Variants in PHKA1 observed in about 807,000 individuals in gnomAD.
PHKA1 encodes the protein phosphorylase b kinase regulatory subunit alpha, skeletal muscle isoform.
A neutral mutation model predicts 110.2 loss-of-function variants in PHKA1; 60 were observed. The observed-to-expected ratio is 0.54, with a 90% CI of 0.44 to 0.68. The LOEUF is 0.68. Among genes scored for constraint, PHKA1 ranks in the 30% least tolerant of loss-of-function variants. PHKA1 has a pLI of 0.00. For missense variants in PHKA1, 801 were observed against 942.5 expected (o/e 0.85, Z 1.97); for synonymous variants, 316 against 333.6 (o/e 0.95, Z 0.58).
At chrX:72,658,789 A>G (rs1296920356) in intron 8 of PHKA1, among the ~76,000 whole-genome samples, 1 of 112,323 alleles carries the variant, frequency 8.9e-6, no homozygotes, top group Non-Finnish European at 1.9e-5. Context: ...TTCTCAGTGC[A>G]TTGTATGAGA....
At chrX:72,595,301 AG>A (rs1318170303) in intron 28 of PHKA1, among the ~76,000 whole-genome samples, 2 of 111,602 alleles carry the variant, frequency 1.8e-5, no homozygotes, top group African/African-American at 6.5e-5. Context: ...ATCTAATAAA[AG>A]TTTAGATTTT....
chrX:72,631,877 T>G (rs1278481308), intron 16 of PHKA1, among the ~76,000 whole-genome samples: 1 of 111,924 alleles, frequency 8.9e-6, no homozygotes, highest in Non-Finnish European at 1.9e-5. Context: ...GTAGAAGTAT[T>G]TAAGGATATG....
At chrX:72,620,945 T>G (rs2052970266) in intron 18 of PHKA1, 44 bp from the exon 19 acceptor site, 1 of 1,163,389 alleles carries the variant, frequency 8.6e-7, no homozygotes, top group Admixed American at 2.2e-5. Flanking sequence ...AGAATGAAAA[T>G]ATTTTAGTTA....
intron 23 of PHKA1, among the ~76,000 whole-genome samples, chrX:72,607,056 AT>A (rs1195973906): frequency 3.6e-5 from 4 of 110,772 alleles, no homozygotes; most frequent in Non-Finnish European, 5.7e-5. Context: ...ACAGGATCTC[AT>A]TTTTTTTGTG....
chrX:72,631,508 A>C (rs2053165631), intron 16 of PHKA1, among the ~76,000 whole-genome samples: 1 of 111,444 alleles, frequency 9.0e-6, no homozygotes, highest in African/African-American at 3.3e-5. Flanking sequence ...CTAGTAAAAT[A>C]GGGTCTAAAA....
intron 12 of PHKA1, among the ~76,000 whole-genome samples, chrX:72,651,804 CAA>C (rs1178708359): frequency 1.8e-5 from 2 of 111,530 alleles, no homozygotes; most frequent in South Asian, 3.8e-4. Context: ...ATAAACAGGT[CAA>C]AGAGTCTGAC....
At chrX:72,638,767 C>A (rs1165074648) in intron 14 of PHKA1, among the ~76,000 whole-genome samples, 1 of 111,836 alleles carries the variant, frequency 8.9e-6, no homozygotes, top group Non-Finnish European at 1.9e-5. Flanking sequence ...TTTATCACAG[C>A]CCCTTCCACA....
chrX:72,581,204 T>C (rs1569421253), intron 31 of PHKA1, 29 bp from the exon 32 acceptor site: 4 of 1,023,333 alleles, frequency 3.9e-6, no homozygotes, highest in Middle Eastern at 2.5e-4. Context: ...TAGAAGAACA[T>C]AGGGGAAAGG....
At chrX:72,672,911 C>T (rs1221163117) in intron 6 of PHKA1, among the ~76,000 whole-genome samples, 3 of 111,944 alleles carry the variant, frequency 2.7e-5, no homozygotes, top group Non-Finnish European at 5.6e-5. Flanking sequence ...GGAAATATCA[C>T]ACAAAATCAA....
At position 72,581,154 on chromosome X, in the gene PHKA1, T is replaced by C. The variant is rs781811754; in HGVS notation, c.3520A>G (p.Thr1174Ala). Reference sequence around the variant, plus strand: ...GATGCGGGATCCTTTGCCAACATGGTATCATCTGCGCCAAGGGTTTTCTGT... The same window carrying C: ...GATGCGGGATCCTTTGCCAACATGGCATCATCTGCGCCAAGGGTTTTCTGT... ...QEQKTLGADD[T>A]MLAKDPASGI... The change falls in exon 32 of 32, where the codon ACC becomes GCC. Residue 1174 changes from threonine to alanine, a missense_variant. Around this residue, in one of 2 missense-constraint regions of PHKA1, gnomAD observed 502 missense variants for 519.2 expected, o/e 0.97. Transcript: ENST00000373542. 1.2e-5 allele frequency: 14 copies of C among 1,193,543 alleles called. No homozygotes were observed. Among genetic ancestry groups the C allele is most frequent in the Non-Finnish European group, 1.4e-5 (12 of 880,625 alleles).
At position 72,578,897 on chromosome X, in the gene PHKA1, T is replaced by TA. The variant is rs1164276656; in HGVS notation, c.*2104dup. The stretch of plus-strand genomic sequence containing the variant: ...TATTTTCAAAACATAAGTGCTTTTT[T>TA]AAAAAAAGTCTAACATGTCTTTTTA... On this transcript the variant is annotated 3_prime_UTR_variant, in exon 32 of 32. Coordinates refer to ENST00000373542, the MANE Select transcript of PHKA1 (RefSeq NM_002637.4). The TA allele has an allele frequency of 8.9e-6, 1 of 111,962 alleles. No individual in the cohort carries two copies. The highest frequency in any genetic ancestry group is 1.9e-5 in the Non-Finnish European group (1 of 53,213). 9.2% of individuals were successfully genotyped at this position (111,962 alleles called of 1,213,427 possible).
chrX:72,667,056 CT>C (rs782721490), intron 7 of PHKA1, among the ~76,000 whole-genome samples: 1 of 112,238 alleles, frequency 8.9e-6, no homozygotes, highest in Non-Finnish European at 1.9e-5. Flanking sequence ...CTCTGGTTTT[CT>C]TTATATATTT....
chrX:72,673,849 C>T (rs1474026638), intron 6 of PHKA1, among the ~76,000 whole-genome samples: 1 of 108,638 alleles, frequency 9.2e-6, no homozygotes, highest in African/African-American at 3.4e-5. Context: ...TACATGTACA[C>T]AACGTGCAGG....
At chrX:72,644,784 T>G (rs2053341204) in intron 13 of PHKA1, among the ~76,000 whole-genome samples, 1 of 111,619 alleles carries the variant, frequency 9.0e-6, no homozygotes. Flanking sequence ...ATTCCATGTT[T>G]AAATGGGAGA....
In PHKA1 at chrX:72,596,149, G is replaced by A. The variant is rs1423345464; in HGVS notation, c.3073-2875C>T. On this transcript the variant is annotated intron_variant, in intron 28 of 31. Transcript: ENST00000373542. ...AGGAAATTTTGCAAAATATGACAGT[G>A]TCGATGAACCTGCAGGATACTATGC... is the stretch of plus-strand genomic sequence containing the variant. Among the ~76,000 whole-genome samples, 6 of 111,838 alleles carry A rather than the reference G, an allele frequency of 5.4e-5. No homozygotes were observed. The Admixed American group carries it at 5.7e-4, about 11-fold the overall frequency.
intron 4 of PHKA1, among the ~76,000 whole-genome samples, chrX:72,687,396 G>C (rs782639121): frequency 2.0e-4 from 22 of 111,982 alleles, no homozygotes; most frequent in African/African-American, 6.8e-4. Flanking sequence ...ATAGAAATCA[G>C]AGGCTGAGAG....
At chrX:72,653,850 T>C (rs2053458331) in intron 10 of PHKA1, among the ~76,000 whole-genome samples, 1 of 111,425 alleles carries the variant, frequency 9.0e-6, no homozygotes, top group Non-Finnish European at 1.9e-5. Flanking sequence ...GGTGTAGCCA[T>C]GGCAGTCTGC....
chrX:72,674,977 A>G (rs1164255996), intron 6 of PHKA1, among the ~76,000 whole-genome samples: 2 of 107,779 alleles, frequency 1.9e-5, no homozygotes, highest in Non-Finnish European at 3.8e-5. Context: ...TGAGGTCAGG[A>G]GTTCGAGACC....
chrX:72,654,131 TATTA>T (rs2053462924), intron 10 of PHKA1, among the ~76,000 whole-genome samples: 2 of 111,861 alleles, frequency 1.8e-5, no homozygotes, highest in African/African-American at 6.5e-5. Flanking sequence ...GCTTCTGATA[TATTA>T]GGGAAAAATT....
Sources: allele counts gnomAD v4.1 joint callset (sites outside exome capture counted in the v4.1 genomes callset), GRCh38; gene constraint gnomAD v4.1.1; regional missense constraint gnomAD v4.1.1; transcripts MANE v1.5; gene names NCBI Gene and HGNC (gene_info 2026-07-23, HGNC 2026-07-21).